UTP11: variants seen among roughly 807,000 people sequenced by gnomAD.
The protein encoded by UTP11 is UTP11 small subunit processome component.
Under a neutral mutation model 39.0 loss-of-function variants are expected in UTP11, and 29 were observed. That is an observed-to-expected ratio of 0.74 (90% CI 0.55 to 1.01). The LOEUF is 1.01. Among genes scored for constraint, UTP11 ranks in the 50% least tolerant of loss-of-function variants. The pLI is 0.00. For missense variants in UTP11, 281 were observed against 306.0 expected, an observed-to-expected ratio of 0.92 and a Z score of 0.61; for synonymous variants, 111 against 105.0, an observed-to-expected ratio of 1.06 and a Z score of -0.35.
At position 38,023,758 on chromosome 1, in the gene UTP11, T is replaced by G; in HGVS notation, c.*130T>G. On this transcript the variant is annotated 3_prime_UTR_variant, in exon 8 of 8. Transcript: ENST00000373014. The stretch of plus-strand genomic sequence containing the variant: ...CATAACTAAATTGTCAGTCTGACAT[T>G]TAATGTCTTTCTATGGACAACATTA... 1 of 666,560 alleles carries G rather than the reference T, an allele frequency of 1.5e-6. No individual in the cohort carries two copies. Among genetic ancestry groups the G allele is most frequent in the South Asian group, 2.7e-5 (1 of 36,496 alleles). The allele number at this position is 666,560 out of a possible 1,614,324, so 41.3% of individuals were successfully genotyped here.
intron 6 of UTP11, 58 bp from the exon 7 acceptor site, chr1:38,022,641 T>C (rs935145695): frequency 8.4e-7 from 1 of 1,189,398 alleles, no homozygotes; most frequent in African/African-American, 1.5e-5. Flanking sequence ...AGAAACAGTT[T>C]CTTACTCATT....
At chr1:38,019,426 C>A in intron 6 of UTP11, 43 bp downstream of exon 6, 3 of 1,393,604 alleles carry the variant, frequency 2.2e-6, no homozygotes, top group Non-Finnish European at 2.8e-6. Flanking sequence ...TTAGGGGAAT[C>A]TAGGTGTTTT....
At chr1:38,014,556 T>TGACCCTTTAGCTTGCTTTCTC (rs1553168586) in intron 1 of UTP11, among the ~76,000 whole-genome samples, 2 of 152,256 alleles carry the variant, frequency 1.3e-5, no homozygotes, top group African/African-American at 4.8e-5. Flanking sequence ...GTTGCTTTTT[T>TGACCCTTTAGCTTGCTTTCTC]GACCCTTTAG....
rs755673711 is a variant in UTP11 at position 38,017,661 on chromosome 1, C to A, written c.126-7C>A. On this transcript the variant is annotated splice_polypyrimidine_tract_variant and splice_region_variant and intron_variant, in intron 2 of 7. Transcript: ENST00000373014. Reference sequence around the variant, plus strand: ...TTGCTATGAACCTCATTTAACCTGTCTTTTAGTGACTACCGTAAAAAACAA... The same window carrying A: ...TTGCTATGAACCTCATTTAACCTGTATTTTAGTGACTACCGTAAAAAACAA... 2 of 1,458,396 alleles carry A rather than the reference C, an allele frequency of 1.4e-6. No individual in the cohort carries two copies. Among genetic ancestry groups the A allele is most frequent in the Non-Finnish European group, 1.8e-6 (2 of 1,086,226 alleles). The allele number at this position is 1,458,396 out of a possible 1,614,324, so 90.3% of individuals were successfully genotyped here.
At chr1:38,016,990 T>C (rs1646710586) in intron 2 of UTP11, 1 of 155,236 alleles carries the variant, frequency 6.4e-6, no homozygotes, top group Admixed American at 6.3e-5. Context: ...CTGGTCTAGA[T>C]GGTGGTGATG....
At chr1:38,018,259 C>T (rs969964307) in intron 3 of UTP11, among the ~76,000 whole-genome samples, 4 of 151,962 alleles carry the variant, frequency 2.6e-5, no homozygotes, top group Admixed American at 6.6e-5. Context: ...TTAGTAGAGA[C>T]GGGGTTTCAC....
At chr1:38,013,490 C>T (rs1006063932) in intron 1 of UTP11, among the ~76,000 whole-genome samples, 5 of 152,150 alleles carry the variant, frequency 3.3e-5, no homozygotes, top group African/African-American at 9.7e-5. Context: ...GTGGGTGTGT[C>T]TGTGTAGGGA....
intron 3 of UTP11, among the ~76,000 whole-genome samples, 166 bp from the exon 4 acceptor site, chr1:38,018,298 T>C (rs1646717429): frequency 6.6e-6 from 1 of 152,176 alleles, no homozygotes; most frequent in Admixed American, 6.5e-5. Flanking sequence ...CTTGAACTCC[T>C]GACCTCAAGT....
At chr1:38,016,502 A>C (rs1253888787) in intron 2 of UTP11, 82 bp downstream of exon 2, 2 of 1,422,356 alleles carry the variant, frequency 1.4e-6, no homozygotes, top group Non-Finnish European at 2.0e-6. Context: ...CTGAGTGTCC[A>C]ACAGGGGATA....
rs1206169443 is a variant in UTP11 at position 38,022,739 on chromosome 1, C to T, written c.608C>T (p.Thr203Ile). Residue 203 changes from threonine (T) to isoleucine (I), a missense_variant, in exon 7 of 8, where the codon ACA (threonine) becomes ATA (isoleucine). Coordinates refer to ENST00000373014, the MANE Select transcript of UTP11 (RefSeq NM_016037.4). ...KERQKQYNCLTQRIEREKKLF... is the reference protein window; with the variant it reads ...KERQKQYNCLIQRIEREKKLF... ...AGGCAAAAGCAGTATAACTGCCTGA[C>T]ACAGCGGATTGAACGAGAGAAGAAA... The T allele has an allele frequency of 1.2e-6, 2 of 1,613,876 alleles. No individual in the cohort carries two copies. The highest frequency in any genetic ancestry group is 1.7e-6 in the Non-Finnish European group (2 of 1,179,942).
chr1:38,021,955 T>C (rs1646740125), intron 6 of UTP11, among the ~76,000 whole-genome samples: 1 of 152,068 alleles, frequency 6.6e-6, no homozygotes, highest in Non-Finnish European at 1.5e-5. Context: ...GGTTGATGAT[T>C]CCCCAAAATG....
At chr1:38,014,645 C>G (rs61776738) in intron 1 of UTP11, among the ~76,000 whole-genome samples, 3,644 of 152,098 alleles carry the variant, frequency 0.024, 62 homozygotes, top group Non-Finnish European at 0.036. Flanking sequence ...TATTATTTTA[C>G]TTATGTTTTT....
rs1206110609 is a variant in UTP11, at chr1:38,023,636, T to C, written c.*8T>C. 5 of 1,600,908 alleles carry C rather than the reference T, an allele frequency of 3.1e-6. No homozygotes were observed. In the Admixed American group the frequency reaches 5.2e-5, roughly 17 times the overall value. On this transcript the variant is annotated 3_prime_UTR_variant, in exon 8 of 8. Transcript: ENST00000373014. ...AGTCGTCGAAAACGTTGACGTGTTA[T>C]AGATAAGCCTTGTCATTCTGTATCA...
chr1:38,018,471 T>C lies in UTP11; in HGVS notation c.236T>C (p.Val79Ala). ...KMTRVKLQDG[V>A]HIIKETKEEV... is the part of the protein sequence containing the mutation. ...TTTAAATTTGGATTTTAGGATGGAG[T>C]ACATATTATTAAGGAGACTAAGGAA... Residue 79 changes from valine to alanine, a missense_variant, in exon 4 of 8, where the codon GTA becomes GCA. By Grantham distance (64) the Val-to-Ala change is moderately conservative. Coordinates refer to ENST00000373014, the MANE Select transcript of UTP11 (RefSeq NM_016037.4). 1 of 1,607,960 alleles carries C rather than the reference T, an allele frequency of 6.2e-7. No homozygotes were observed. Among genetic ancestry groups the C allele is most frequent in the Admixed American group, 1.7e-5 (1 of 59,146 alleles).
In UTP11 at chr1:38,016,376, T is replaced by C. The variant is rs1184730654; in HGVS notation, c.81T>C (p.His27=). 6.2e-7 allele frequency: 1 copy of C among 1,614,204 alleles called. No individual in the cohort carries two copies. The highest frequency in any genetic ancestry group is 8.5e-7 in the Non-Finnish European group (1 of 1,180,022). The part of the protein sequence containing the change: ...RERSQPGFRK[H]LGLLEKKKDY... ...TCTTCTAGCCTGGCTTTCGAAAACA[T>C]CTGGGCCTGCTGGAGAAAAAGAAAG... The change falls in exon 2 of 8, where the codon CAT becomes CAC. Residue 27 remains histidine (H), a synonymous_variant. Transcript: ENST00000373014.
Position 38,016,072 on chromosome 1 carries a change from T to C in UTP11, c.64-287T>C, listed in dbSNP as rs1021648386. 3.3e-5 allele frequency among the ~76,000 whole-genome samples: 5 copies of C among 152,278 alleles called. No individual in the cohort carries two copies. In the East Asian group the frequency reaches 7.7e-4, roughly 23 times the overall value. On this transcript the variant is annotated intron_variant, in intron 1 of 7. Transcript: ENST00000373014. ...AAGTTGGTAGTAATTTTAGTACAAC[T>C]GGCAACTGCTTGCTTAGTGCCGAGT...
chr1:38,022,991 T>G (rs1189123404), intron 7 of UTP11, among the ~76,000 whole-genome samples, 182 bp downstream of exon 7: 1 of 152,080 alleles, frequency 6.6e-6, no homozygotes, highest in Admixed American at 6.5e-5. Context: ...GCGCCTTGAT[T>G]AAGGAGGTAA....
chr1:38,015,248 C>G (rs959376983), intron 1 of UTP11, among the ~76,000 whole-genome samples: 2 of 152,176 alleles, frequency 1.3e-5, no homozygotes, highest in Non-Finnish European at 2.9e-5. Context: ...TCTTGAACTC[C>G]TGACCTCAGA....
rs1377607955 is a variant in UTP11 at position 38,024,508 on chromosome 1, T to C, written c.*880T>C. The C allele has an allele frequency of 6.6e-6, 1 of 150,698 alleles. No individual in the cohort carries two copies. The highest frequency in any genetic ancestry group is 2.4e-5 in the African/African-American group (1 of 41,058). 9.3% of individuals were successfully genotyped at this position (150,698 alleles called of 1,614,324 possible). A position where few individuals can be genotyped will look rare whatever the true frequency, so the allele number is the denominator to read the frequency against. On this transcript the variant is annotated 3_prime_UTR_variant, in exon 8 of 8. Transcript: ENST00000373014. ...AGCTCCGCTTCCCGGGTTCACGCCA[T>C]TCTCCTGCCTCAGCCTCCCGAGTAG...
Sources: gnomAD v4.1 joint callset for allele counts (sites outside exome capture counted in the v4.1 genomes callset) on GRCh38, gnomAD v4.1.1 for gene constraint, MANE v1.5 for transcripts, NCBI Gene and HGNC (gene_info 2026-07-23, HGNC 2026-07-21) for gene names.